MTSS2: variants seen among roughly 807,000 people sequenced by gnomAD.
The protein encoded by MTSS2 is protein MTSS 2.
MTSS2 carries 27 observed loss-of-function variants against 67.1 expected under a neutral mutation model. The observed-to-expected ratio is 0.40, with a 90% confidence interval of 0.30 to 0.55. MTSS2 has a LOEUF of 0.55. Among genes scored for constraint, MTSS2 ranks in the 20% least tolerant of loss-of-function variants. MTSS2 has a pLI of 0.43. For synonymous variants in MTSS2, 624 were observed against 468.6 expected, an observed-to-expected ratio of 1.33 and a Z score of -4.28; for missense variants, 1,171 against 1,067.8, an observed-to-expected ratio of 1.10 and a Z score of -1.35.
chr16:70,680,105 T>C (rs2053254436), intron 3 of MTSS2, 50 bp from the exon 4 acceptor site: 6 of 1,271,124 alleles, frequency 4.7e-6, no homozygotes, highest in African/African-American at 1.6e-5. Flanking sequence ...GCCTGCGCAG[T>C]CCCGGCCTCG....
chr16:70,669,926 A>AAATC (rs976215130), intron 11 of MTSS2, among the ~76,000 whole-genome samples: 1 of 152,114 alleles, frequency 6.6e-6, no homozygotes, highest in Non-Finnish European at 1.5e-5. Flanking sequence ...GGCTAAAATG[A>AAATC]AATCAATATA....
chr16:70,674,366 G>C lies in MTSS2; in HGVS notation c.993C>G (p.Val331=), dbSNP rs1409483270. Residue 331 remains valine, a synonymous_variant, in exon 11 of 15, where the codon GTC becomes GTG. Coordinates refer to ENST00000338779, the MANE Select transcript of MTSS2 (RefSeq NM_138383.3). ...SSVSSHDSGF[V]SQDATYSKPP... The stretch of plus-strand genomic sequence containing the variant: ...GCTTGGAGTAGGTGGCGTCCTGGGA[G>C]ACGAAGCCAGAGTCATGGGAGGAAA... 1 of 1,614,152 alleles carries C rather than the reference G, an allele frequency of 6.2e-7. No homozygotes were observed. Among genetic ancestry groups the C allele is most frequent in the South Asian group, 1.1e-5 (1 of 91,074 alleles).
At chr16:70,664,545 T>G in intron 14 of MTSS2, 53 bp downstream of exon 14, 1 of 1,594,396 alleles carries the variant, frequency 6.3e-7, no homozygotes, top group East Asian at 2.2e-5. Context: ...GGGGCCCTCC[T>G]GGATGGCTAA....
chr16:70,679,869 A>T lies in MTSS2; in HGVS notation c.299T>A (p.Leu100Gln). The T allele has an allele frequency of 6.2e-7, 1 of 1,601,048 alleles. No homozygotes were observed. The highest frequency in any genetic ancestry group is 8.5e-7 in the Non-Finnish European group (1 of 1,178,984). ...TKLRQFTNAL[L>Q]ESLINPLQER... Reference sequence around the variant, plus strand: ...CTGCAGCGGGTTGATGAGGCTCTCCAGCAGTGCGCTGCGGAGGGCGGGCGG... The same window carrying T: ...CTGCAGCGGGTTGATGAGGCTCTCCTGCAGTGCGCTGCGGAGGGCGGGCGG... Residue 100 changes from leucine to glutamine, a missense_variant, in exon 5 of 15, where the codon CTG (leucine) becomes CAG (glutamine). By Grantham distance (113) the Leu-to-Gln change is moderately radical. Coordinates refer to ENST00000338779, the MANE Select transcript of MTSS2 (RefSeq NM_138383.3).
rs552856304 is a variant in MTSS2 at position 70,673,087 on chromosome 16, G to A, written c.1053+1219C>T. Among the ~76,000 whole-genome samples the A allele has an allele frequency of 3.3e-5, 5 of 152,086 alleles. No homozygotes were observed. The East Asian group carries it at 7.7e-4, about 23-fold the overall frequency. On this transcript the variant is annotated intron_variant, in intron 11 of 14. Coordinates refer to ENST00000338779, the MANE Select transcript of MTSS2 (RefSeq NM_138383.3). ...GAGGTGGGAGGATCGCTTGAGCCTGGGAGGAGGAGGAGGTTGCAGTGAGCC... is the reference window on the plus strand; with the variant it reads ...GAGGTGGGAGGATCGCTTGAGCCTGAGAGGAGGAGGAGGTTGCAGTGAGCC...
intron 11 of MTSS2, among the ~76,000 whole-genome samples, chr16:70,669,492 G>C (rs2052845547): frequency 6.6e-6 from 1 of 152,088 alleles, no homozygotes; most frequent in South Asian, 2.1e-4. Flanking sequence ...AGGCCAGCCT[G>C]GGCAACATAG....
chr16:70,666,585 T>C (rs1284971931), intron 11 of MTSS2, among the ~76,000 whole-genome samples: 1 of 152,276 alleles, frequency 6.6e-6, no homozygotes, highest in Non-Finnish European at 1.5e-5. Flanking sequence ...GCTCTCTGAA[T>C]CATTCTGGAT....
Position 70,665,553 on chromosome 16 carries a change from G to A in MTSS2, c.1054-13C>T. 1 of 1,544,796 alleles carries A rather than the reference G, an allele frequency of 6.5e-7. No individual in the cohort carries two copies. Among genetic ancestry groups the A allele is most frequent in the Non-Finnish European group, 8.7e-7 (1 of 1,145,178 alleles). On this transcript the variant is annotated splice_polypyrimidine_tract_variant and intron_variant, in intron 11 of 14. Transcript: ENST00000338779. ...AGCTGGAGGACTTCTGCCATGCAGA[G>A]GCCAGCAGGCGGTTGCAGACAGAGG... is the stretch of plus-strand genomic sequence containing the variant.
intron 11 of MTSS2, among the ~76,000 whole-genome samples, chr16:70,666,482 C>T (rs561135998): frequency 2.0e-4 from 30 of 152,302 alleles, no homozygotes; most frequent in Admixed American, 3.3e-4. Context: ...CTGGGGCAGA[C>T]GCCAGCTTCA....
In MTSS2 at chr16:70,673,279, G is replaced by A. The variant is rs189498157; in HGVS notation, c.1053+1027C>T. Among the ~76,000 whole-genome samples, 45 of 152,238 alleles carry A rather than the reference G, an allele frequency of 3.0e-4. 1 individual carries two copies. The highest frequency in any genetic ancestry group is 6.8e-3 in the Middle Eastern group (2 of 294). On this transcript the variant is annotated intron_variant, in intron 11 of 14. Transcript: ENST00000338779. ...AAAAATAAATCCACATTGTAGACAC[G>A]CTGTAGCAAAACTAAAGAGAAGGCC...
At position 70,677,909 on chromosome 16, in the gene MTSS2, C is replaced by T. The variant is rs1439924210; in HGVS notation, c.625-10G>A. 6.3e-7 allele frequency: 1 copy of T among 1,580,460 alleles called. No individual in the cohort carries two copies. On this transcript the variant is annotated splice_polypyrimidine_tract_variant and intron_variant, in intron 8 of 14. Transcript: ENST00000338779. ...TGGTCAGCTCTCCATTCTGAGGAAG[C>T]AGCGAGTCAGACCTGCTGGCCCTAT...
rs139707506 is a variant in MTSS2, at chr16:70,664,058, C to A, written c.1863G>T (p.Glu621Asp). Reference protein sequence around the residue: ...GSEECVFYTDETASPLAPDLA... With the variant: ...GSEECVFYTDDTASPLAPDLA... Reference sequence around the variant, plus strand: ...GGTCCGGTGCCAGGGGTGAGGCGGTCTCGTCGGTATAGAAGACGCACTCCT... The same window carrying A: ...GGTCCGGTGCCAGGGGTGAGGCGGTATCGTCGGTATAGAAGACGCACTCCT... Residue 621 changes from glutamate (E) to aspartate (D), a missense_variant, in exon 15 of 15, where the codon GAG becomes GAT. By Grantham distance (45) the Glu-to-Asp change is conservative. Coordinates refer to ENST00000338779, the MANE Select transcript of MTSS2 (RefSeq NM_138383.3). The A allele has an allele frequency of 1.2e-5, 19 of 1,610,878 alleles. No homozygotes were observed. The highest frequency in any genetic ancestry group is 1.5e-5 in the Non-Finnish European group (18 of 1,179,268).
chr16:70,664,147 G>A lies in MTSS2; in HGVS notation c.1774C>T (p.Pro592Ser), dbSNP rs1383169332. The A allele has an allele frequency of 6.2e-7, 1 of 1,609,152 alleles. No individual in the cohort carries two copies. The highest frequency in any genetic ancestry group is 8.5e-7 in the Non-Finnish European group (1 of 1,179,638). Reference protein sequence around the residue: ...GPIPIRPPIVPVKTPTVPDSP... With the variant: ...GPIPIRPPIVSVKTPTVPDSP... ...TCAGGCACCGTGGGCGTCTTCACAGGGACGATGGGCGGCCGGATGGGGATG... is the reference window on the plus strand; with the variant it reads ...TCAGGCACCGTGGGCGTCTTCACAGAGACGATGGGCGGCCGGATGGGGATG... The change falls in exon 15 of 15, where the codon CCT becomes TCT. Residue 592 changes from proline to serine, a missense_variant. This residue lies in a region of MTSS2 where 924 missense variants were observed against 756.0 expected (regional missense o/e 1.22). Transcript: ENST00000338779.
Position 70,664,306 on chromosome 16 carries a change from T to A in MTSS2, c.1615A>T (p.Thr539Ser). 1 of 1,584,770 alleles carries A rather than the reference T, an allele frequency of 6.3e-7. No individual in the cohort carries two copies. ...RLIQTKRPAS[T>S]AGLPTAGLPT... ...AGCCCCGCGGTGGGCAGCCCAGCAG[T>A]GGAGGCTGGGCGCTTGGTCTGGATC... Residue 539 changes from threonine (T) to serine (S), a missense_variant, in exon 15 of 15, where the codon ACT (threonine) becomes TCT (serine). Transcript: ENST00000338779.
intron 11 of MTSS2, among the ~76,000 whole-genome samples, chr16:70,668,451 A>T (rs531283381): frequency 6.6e-6 from 1 of 152,288 alleles, no homozygotes; most frequent in South Asian, 2.1e-4. Flanking sequence ...GGTTACAATA[A>T]TTAAGATGGT....
intron 9 of MTSS2, 65 bp from the exon 10 acceptor site, chr16:70,677,043 C>A (rs1042129972): frequency 7.3e-6 from 9 of 1,240,288 alleles, no homozygotes; most frequent in Admixed American, 2.3e-5. Flanking sequence ...GCCAGAGGCC[C>A]CCCCCCACTC....
chr16:70,664,323 G>T lies in MTSS2; in HGVS notation c.1598C>A (p.Thr533Asn). ...CCCAGCAGTGGAGGCTGGGCGCTTG[G>T]TCTGGATCAGGCGGCGGTAGTTCTG... ...IAQNYRRLIQ[T>N]KRPASTAGLP... The change falls in exon 15 of 15, where the codon ACC (threonine) becomes AAC (asparagine). Residue 533 changes from threonine (T) to asparagine (N), a missense_variant. Physicochemically the swap from Thr to Asn is moderately conservative, Grantham distance 65. This residue lies in a region of MTSS2 where 924 missense variants were observed against 756.0 expected (regional missense o/e 1.22). Coordinates refer to ENST00000338779, the MANE Select transcript of MTSS2 (RefSeq NM_138383.3). 6.3e-7 allele frequency: 1 copy of T among 1,596,422 alleles called. No homozygotes were observed. Among genetic ancestry groups the T allele is most frequent in the South Asian group, 1.1e-5 (1 of 88,438 alleles).
At chr16:70,665,296 G>C in intron 12 of MTSS2, 170 bp downstream of exon 12, 1 of 913,844 alleles carries the variant, frequency 1.1e-6, no homozygotes, top group Non-Finnish European at 1.6e-6. Flanking sequence ...TGGCTGTGTG[G>C]GCAGTGACTG....
At chr16:70,671,944 C>T (rs538281444) in intron 11 of MTSS2, among the ~76,000 whole-genome samples, 261 of 152,350 alleles carry the variant, frequency 1.7e-3, no homozygotes, top group African/African-American at 6.0e-3. Context: ...TCCTACAAAA[C>T]ATCTGACCGA....
Sources: allele counts gnomAD v4.1 joint callset (sites outside exome capture counted in the v4.1 genomes callset), GRCh38; gene constraint gnomAD v4.1.1; regional missense constraint gnomAD v4.1.1; transcripts MANE v1.5; gene names NCBI Gene and HGNC (gene_info 2026-07-23, HGNC 2026-07-21).